Variants in GRIK4 observed in about 807,000 individuals in gnomAD.
The protein encoded by GRIK4 is glutamate ionotropic receptor kainate type subunit 4, also known as glutamate receptor ionotropic, kainate 4.
A neutral mutation model predicts 104.9 loss-of-function variants in GRIK4; 40 were observed. The observed-to-expected ratio is 0.38, with a 90% CI of 0.30 to 0.50. The LOEUF is 0.50. Ranked by LOEUF, GRIK4 falls within the 20% of genes least tolerant of loss-of-function variation. The pLI is 0.93. For synonymous variants in GRIK4, 485 were observed against 524.9 expected (o/e 0.92, Z 1.04); for missense variants, 1,047 against 1,308.1 (o/e 0.80, Z 3.08).
rs753346738 is a variant in GRIK4 at position 120,580,338 on chromosome 11, C to T, written c.-159+68451C>T. ...TCACCCACACTGGAGTGCAGTGGCG[C>T]GATCTTGGCTCACTGCAATCTCCAC... On this transcript the variant is annotated intron_variant, in intron 1 of 20. Transcript: ENST00000527524. 5.9e-5 allele frequency among the ~76,000 whole-genome samples: 9 copies of T among 151,418 alleles called. No individual in the cohort carries two copies. The South Asian group carries it at 8.4e-4, about 14-fold the overall frequency.
intron 9 of GRIK4, chr11:120,868,502 T>A (rs1051485001): frequency 7.5e-6 from 1 of 133,880 alleles, no homozygotes; most frequent in Non-Finnish European, 1.5e-5. Flanking sequence ...AAAGGAAATG[T>A]ATTGAGAGAG....
At chr11:120,692,415 G>A (rs554641057) in intron 3 of GRIK4, among the ~76,000 whole-genome samples, 34 of 152,322 alleles carry the variant, frequency 2.2e-4, no homozygotes, top group Middle Eastern at 6.8e-3. Flanking sequence ...TTCAAGGAGC[G>A]AGCAGGCTAG....
intron 1 of GRIK4, among the ~76,000 whole-genome samples, chr11:120,593,202 C>T (rs1023093651): frequency 6.7e-6 from 1 of 148,980 alleles, no homozygotes; most frequent in African/African-American, 2.5e-5. Context: ...AAAAAAAAGC[C>T]GCCTGCAGTT....
At chr11:120,693,447 G>A (rs1481483484) in intron 3 of GRIK4, among the ~76,000 whole-genome samples, 1 of 152,154 alleles carries the variant, frequency 6.6e-6, no homozygotes, top group Non-Finnish European at 1.5e-5. Flanking sequence ...GTAAGATGAA[G>A]GAAACAGCTT....
intron 1 of GRIK4, among the ~76,000 whole-genome samples, chr11:120,579,495 G>A (rs1055500624): frequency 1.3e-5 from 2 of 152,224 alleles, no homozygotes; most frequent in Admixed American, 6.5e-5. Context: ...TGCTGGCCTT[G>A]TGTGCCAGGG....
At chr11:120,647,312 C>A (rs1314420834) in intron 1 of GRIK4, among the ~76,000 whole-genome samples, 1 of 152,170 alleles carries the variant, frequency 6.6e-6, no homozygotes, top group Non-Finnish European at 1.5e-5. Flanking sequence ...TTCACACTAC[C>A]CCCAACATGT....
intron 1 of GRIK4, among the ~76,000 whole-genome samples, chr11:120,600,340 C>T (rs1271196020): frequency 6.6e-6 from 1 of 152,068 alleles, no homozygotes; most frequent in South Asian, 2.1e-4. Context: ...GTTTTTCCCC[C>T]CTCTGTCTTA....
intron 11 of GRIK4, among the ~76,000 whole-genome samples, chr11:120,883,108 G>A (rs1419648307): frequency 6.6e-6 from 1 of 152,178 alleles, no homozygotes; most frequent in East Asian, 1.9e-4. Context: ...AGCTGAGAGT[G>A]GTGCTCAGTG....
intron 1 of GRIK4, 41 bp downstream of exon 1, chr11:120,511,928 C>G (rs1304309952): frequency 1.3e-5 from 2 of 154,948 alleles, no homozygotes; most frequent in Non-Finnish European, 2.8e-5. Flanking sequence ...GGCCCGCTCC[C>G]TGCGCTGCCC....
chr11:120,528,492 G>A (rs1484734717), intron 1 of GRIK4, among the ~76,000 whole-genome samples: 4 of 152,180 alleles, frequency 2.6e-5, no homozygotes, highest in Non-Finnish European at 5.9e-5. Context: ...TGAGGGCAGG[G>A]ACTATGGGGG....
chr11:120,542,768 G>A (rs1948050198), intron 1 of GRIK4, among the ~76,000 whole-genome samples: 16 of 152,222 alleles, frequency 1.1e-4, no homozygotes. Flanking sequence ...ACAAGAGTTA[G>A]GATGGCCATA....
intron 1 of GRIK4, among the ~76,000 whole-genome samples, chr11:120,577,939 C>A (rs992403811): frequency 2.6e-5 from 4 of 152,222 alleles, no homozygotes; most frequent in African/African-American, 9.7e-5. Context: ...GACTTCCTTT[C>A]CTCCATCCCC....
chr11:120,682,740 T>G (rs944440865), intron 3 of GRIK4, among the ~76,000 whole-genome samples: 1 of 152,052 alleles, frequency 6.6e-6, no homozygotes, highest in African/African-American at 2.4e-5. Flanking sequence ...GCCTCTTCCC[T>G]GCTTAAACCC....
At chr11:120,945,070 CA>C in intron 14 of GRIK4, among the ~76,000 whole-genome samples, 1 of 151,964 alleles carries the variant, frequency 6.6e-6, no homozygotes, top group Non-Finnish European at 1.5e-5. Flanking sequence ...CCATCACTCA[CA>C]AAAAAAAGTT....
chr11:120,914,247 G>C (rs1943060148), intron 13 of GRIK4, among the ~76,000 whole-genome samples: 1 of 152,234 alleles, frequency 6.6e-6, no homozygotes. Context: ...ACTGTACAGT[G>C]TGACACATGC....
intron 1 of GRIK4, among the ~76,000 whole-genome samples, chr11:120,594,978 C>T (rs530908323): frequency 6.6e-6 from 1 of 152,252 alleles, no homozygotes; most frequent in South Asian, 2.1e-4. Context: ...GTCCACATAC[C>T]GAGGAAGGCA....
chr11:120,634,845 G>A (rs1005461929), intron 1 of GRIK4, among the ~76,000 whole-genome samples: 4 of 152,132 alleles, frequency 2.6e-5, no homozygotes, highest in East Asian at 1.9e-4. Flanking sequence ...TCACGGAGTC[G>A]CCAAGCATGT....
intron 1 of GRIK4, among the ~76,000 whole-genome samples, chr11:120,631,317 G>A (rs762357908): frequency 2.7e-4 from 41 of 152,372 alleles, no homozygotes; most frequent in Non-Finnish European, 4.6e-4. Flanking sequence ...GGCAGATGCT[G>A]ACCCTAGGGT....
Position 120,802,955 on chromosome 11 carries a change from T to C in GRIK4, c.247+98T>C, listed in dbSNP as rs995440164. On this transcript the variant is annotated intron_variant, in intron 4 of 20. Transcript: ENST00000527524. ...TATCAGTCACCAGGCCTCTGAGATATCTGATGTCGATATTTCCAGAGGAAG... is the reference window on the plus strand; with the variant it reads ...TATCAGTCACCAGGCCTCTGAGATACCTGATGTCGATATTTCCAGAGGAAG... 37 of 1,034,518 alleles carry C rather than the reference T, an allele frequency of 3.6e-5. 1 individual carries two copies. Among genetic ancestry groups the C allele is most frequent in the Non-Finnish European group, 8.8e-6 (6 of 684,814 alleles). The allele number at this position is 1,034,518 out of a possible 1,614,324, so 64.1% of individuals were successfully genotyped here.
Sources: allele counts gnomAD v4.1 joint callset (sites outside exome capture counted in the v4.1 genomes callset), GRCh38; gene constraint gnomAD v4.1.1; transcripts MANE v1.5; gene names NCBI Gene and HGNC (gene_info 2026-07-23, HGNC 2026-07-21).